The following CTNNA3 variants were observed in gnomAD, a reference collection of about 807,000 sequenced individuals.
The protein encoded by CTNNA3 is catenin alpha-3.
CTNNA3 carries 76 observed loss-of-function variants against 95.7 expected under a neutral mutation model. The ratio of observed to expected loss-of-function variants is 0.79; its 90% CI spans 0.66 to 0.96. CTNNA3 has a LOEUF of 0.96. CTNNA3 is among the 40% of genes least tolerant of loss of function. CTNNA3 has a pLI of 0.00. For missense variants in CTNNA3, 1,191 were observed against 1,089.8 expected, an observed-to-expected ratio of 1.09 and a Z score of -1.31; for synonymous variants, 431 against 374.4, an observed-to-expected ratio of 1.15 and a Z score of -1.74.
rs550607833 is a variant in CTNNA3, at chr10:67,464,650, C to T, written c.579+57192G>A. On this transcript the variant is annotated intron_variant, in intron 5 of 17. Transcript: ENST00000433211. The stretch of plus-strand genomic sequence containing the variant: ...AAGGACAAAAAGATATCCATGTATC[C>T]CTTTTTGCAGTAAGTGCCTTTCAGC... 4.5e-4 allele frequency among the ~76,000 whole-genome samples: 68 copies of T among 152,092 alleles called. 1 individual carries two copies. Among genetic ancestry groups the T allele is most frequent in the African/African-American group, 1.5e-3 (64 of 41,488 alleles).
intron 9 of CTNNA3, among the ~76,000 whole-genome samples, chr10:66,644,258 CTCTCTG>C (rs1283912843): frequency 8.7e-4 from 109 of 124,576 alleles, no homozygotes; most frequent in African/African-American, 3.7e-3. Flanking sequence ...GAGACTTGGT[CTCTCTG>C]TCTGTCTGTC....
intron 7 of CTNNA3, among the ~76,000 whole-genome samples, chr10:66,983,378 G>C (rs1160374064): frequency 1.3e-5 from 2 of 152,144 alleles, no homozygotes; most frequent in African/African-American, 4.8e-5. Flanking sequence ...CAACTAATGT[G>C]TCTGTGTTTA....
rs1176114836 is a variant in CTNNA3, at chr10:67,125,480, G to GT, written c.1047+54836dup. ...TTTAGTGCCCCTAAAGCCTAAAAGTGTATCCTAGAATAAATTTATACCATT... is the reference window on the plus strand; with the variant it reads ...TTTAGTGCCCCTAAAGCCTAAAAGTGTTATCCTAGAATAAATTTATACCATT... On this transcript the variant is annotated intron_variant, in intron 7 of 17. Coordinates refer to ENST00000433211, the MANE Select transcript of CTNNA3 (RefSeq NM_013266.4). Among the ~76,000 whole-genome samples the GT allele has an allele frequency of 5.9e-5, 9 of 152,196 alleles. No homozygotes were observed. The East Asian group carries it at 1.7e-3, about 29-fold the overall frequency.
At chr10:66,296,157 T>C (rs1178965723) in intron 12 of CTNNA3, among the ~76,000 whole-genome samples, 1 of 151,972 alleles carries the variant, frequency 6.6e-6, no homozygotes, top group Non-Finnish European at 1.5e-5. Flanking sequence ...CCACTGAGAG[T>C]ATATTTGGTT....
chr10:66,286,774 G>T (rs2091595950), intron 12 of CTNNA3, among the ~76,000 whole-genome samples: 1 of 151,932 alleles, frequency 6.6e-6, no homozygotes, highest in Non-Finnish European at 1.5e-5. Flanking sequence ...AAAATAAATA[G>T]AATTGATCTT....
intron 15 of CTNNA3, among the ~76,000 whole-genome samples, chr10:66,045,160 T>A (rs186208793): frequency 9.2e-5 from 14 of 152,320 alleles, no homozygotes; most frequent in Non-Finnish European, 1.8e-4. Flanking sequence ...TATTACACAC[T>A]TAGAGTTGCT....
At chr10:66,000,163 C>T (rs1033936982) in intron 15 of CTNNA3, among the ~76,000 whole-genome samples, 2 of 151,904 alleles carry the variant, frequency 1.3e-5, no homozygotes, top group Non-Finnish European at 2.9e-5. Flanking sequence ...ATGGTAATAC[C>T]ATGGACATTT....
rs764307042 is a variant in CTNNA3 at position 65,964,979 on chromosome 10, C to T, written c.2400+1633G>A. ...CACACGCATGTTCCTATTTGCATGGCTTGTGACTAAACAAAATGCATTTTT... is the reference window on the plus strand; with the variant it reads ...CACACGCATGTTCCTATTTGCATGGTTTGTGACTAAACAAAATGCATTTTT... On this transcript the variant is annotated intron_variant, in intron 17 of 17. Transcript: ENST00000433211. 7.2e-5 allele frequency among the ~76,000 whole-genome samples: 11 copies of T among 152,236 alleles called. No individual in the cohort carries two copies. In the East Asian group the frequency reaches 1.5e-3, roughly 21 times the overall value.
At chr10:66,787,678 G>C (rs763139636) in intron 7 of CTNNA3, among the ~76,000 whole-genome samples, 6 of 152,046 alleles carry the variant, frequency 3.9e-5, no homozygotes, top group Admixed American at 2.0e-4. Context: ...CACAGAAGTC[G>C]GTAGAAATTG....
intron 12 of CTNNA3, among the ~76,000 whole-genome samples, chr10:66,361,737 T>C (rs1307597283): frequency 2.0e-5 from 3 of 151,832 alleles, no homozygotes; most frequent in Non-Finnish European, 4.4e-5. Flanking sequence ...GAGATCTCAC[T>C]ATATTGCCCA....
At chr10:66,940,771 C>T (rs796479147) in intron 7 of CTNNA3, among the ~76,000 whole-genome samples, 14 of 152,126 alleles carry the variant, frequency 9.2e-5, no homozygotes, top group African/African-American at 3.4e-4. Flanking sequence ...CAGTAGCCCA[C>T]TGACTGGTTT....
chr10:67,536,723 T>C (rs747878372), intron 4 of CTNNA3, among the ~76,000 whole-genome samples: 1 of 152,166 alleles, frequency 6.6e-6, no homozygotes, highest in Non-Finnish European at 1.5e-5. Context: ...TGGCAATATT[T>C]CTCAACAATT....
At chr10:67,402,535 G>C (rs114998546) in intron 5 of CTNNA3, among the ~76,000 whole-genome samples, 15 of 152,148 alleles carry the variant, frequency 9.9e-5, no homozygotes, top group Non-Finnish European at 2.1e-4. Flanking sequence ...CCAGGTTTTC[G>C]CACTGGGACT....
chr10:66,033,661 T>C (rs2133465943), intron 15 of CTNNA3, among the ~76,000 whole-genome samples: 1 of 152,058 alleles, frequency 6.6e-6, no homozygotes, highest in South Asian at 2.1e-4. Context: ...CTCTTTAGCT[T>C]GTATGTTCCC....
At chr10:67,116,721 A>AATAT (rs34041126) in intron 7 of CTNNA3, among the ~76,000 whole-genome samples, 101 of 143,520 alleles carry the variant, frequency 7.0e-4, no homozygotes, top group Admixed American at 7.7e-4. Context: ...CAGTTTTGAA[A>AATAT]ATATATATAT....
chr10:67,753,362 A>G (rs1312601057), intron 1 of CTNNA3, among the ~76,000 whole-genome samples: 1 of 152,196 alleles, frequency 6.6e-6, no homozygotes, highest in Admixed American at 6.5e-5. Context: ...CAAAAACTAT[A>G]AAAACCCTAG....
intron 1 of CTNNA3, among the ~76,000 whole-genome samples, chr10:67,741,310 A>G (rs1273535511): frequency 6.8e-6 from 1 of 147,798 alleles, no homozygotes; most frequent in African/African-American, 2.5e-5. Flanking sequence ...AAAGTATAAT[A>G]ATAAAAAAAT....
chr10:66,265,939 G>A (rs947265046), intron 13 of CTNNA3, among the ~76,000 whole-genome samples: 1 of 151,586 alleles, frequency 6.6e-6, no homozygotes, highest in Non-Finnish European at 1.5e-5. Context: ...CTAAGTGTTC[G>A]ATAGATTTAT....
In CTNNA3 at chr10:65,985,706, G is replaced by C. The variant is rs545294274; in HGVS notation, c.2265+2986C>G. Among the ~76,000 whole-genome samples, 87 of 151,560 alleles carry C rather than the reference G, an allele frequency of 5.7e-4. 1 individual carries two copies. Among genetic ancestry groups the C allele is most frequent in the African/African-American group, 1.6e-3 (68 of 41,504 alleles). ...AAACAATTGACAGACTTTCCTGTAA[G>C]ATCTGAAACAAGACAAGGCTGCCTA... On this transcript the variant is annotated intron_variant, in intron 16 of 17. Transcript: ENST00000433211.
Sources: gnomAD v4.1 joint callset for allele counts (sites outside exome capture counted in the v4.1 genomes callset) on GRCh38, gnomAD v4.1.1 for gene constraint, MANE v1.5 for transcripts, NCBI Gene and HGNC (gene_info 2026-07-23, HGNC 2026-07-21) for gene names.